NCKAP5: variants seen among roughly 807,000 people sequenced by gnomAD.
NCKAP5 encodes NCK associated protein 5, also known as nck-associated protein 5.
NCKAP5 carries 92 observed loss-of-function variants against 167.0 expected under a neutral mutation model. The observed-to-expected ratio is 0.55, with a 90% CI of 0.47 to 0.66. The LOEUF (loss-of-function observed/expected upper bound fraction) is 0.66. NCKAP5 is among the 30% of genes least tolerant of loss of function. The pLI is 0.00. For synonymous variants in NCKAP5, 891 were observed against 877.4 expected (o/e 1.02, Z -0.27); for missense variants, 2,378 against 2,315.0 (o/e 1.03, Z -0.56).
In NCKAP5 at chr2:133,415,153, T is replaced by C. The variant is rs553676840; in HGVS notation, c.69+102305A>G. On this transcript the variant is annotated intron_variant, in intron 3 of 19. Coordinates refer to ENST00000409261, the MANE Select transcript of NCKAP5 (RefSeq NM_207363.3). ...CCGCTGATGCTGCCTCAGTTCACAC[T>C]GGCCGAAATGGACTTATTCATGTTG... Among the ~76,000 whole-genome samples, 4 of 152,354 alleles carry C rather than the reference T, an allele frequency of 2.6e-5. No individual in the cohort carries two copies. The East Asian group carries it at 7.7e-4, about 29-fold the overall frequency.
intron 3 of NCKAP5, among the ~76,000 whole-genome samples, chr2:133,400,187 T>G (rs543546612): frequency 6.6e-6 from 1 of 152,254 alleles, no homozygotes; most frequent in East Asian, 1.9e-4. Context: ...GATCACAATT[T>G]TTAATCTCCC....
the NCKAP5 span, among the ~76,000 whole-genome samples, chr2:133,608,765 C>T: frequency 6.6e-6 from 1 of 152,166 alleles, no homozygotes; most frequent in Admixed American, 6.6e-5. Context: ...GATTTACTGT[C>T]CTCAAACCCA....
At chr2:133,148,559 A>G (rs1219974373) in intron 5 of NCKAP5, among the ~76,000 whole-genome samples, 3 of 152,136 alleles carry the variant, frequency 2.0e-5, no homozygotes, top group East Asian at 1.9e-4. Flanking sequence ...ATGGGCTACT[A>G]TAACAAAAAT....
intron 8 of NCKAP5, among the ~76,000 whole-genome samples, chr2:132,904,373 A>T (rs1004509463): frequency 1.3e-5 from 2 of 151,338 alleles, no homozygotes; most frequent in Admixed American, 1.3e-4. Flanking sequence ...ATAAAAATTA[A>T]AAAATATATT....
intron 6 of NCKAP5, among the ~76,000 whole-genome samples, chr2:133,073,931 G>T (rs975141613): frequency 7.9e-5 from 12 of 152,146 alleles, no homozygotes; most frequent in Admixed American, 7.2e-4. Context: ...GAGGCAAATG[G>T]CTGCAACTTA....
chr2:133,627,578 C>T, the NCKAP5 span, among the ~76,000 whole-genome samples: 1 of 152,044 alleles, frequency 6.6e-6, no homozygotes, highest in African/African-American at 2.4e-5. Context: ...AGTTTGAGAC[C>T]AGCTGGACAG....
intron 3 of NCKAP5, among the ~76,000 whole-genome samples, chr2:133,455,023 GTGT>G (rs1229804867): frequency 6.6e-6 from 1 of 151,890 alleles, no homozygotes; most frequent in Non-Finnish European, 1.5e-5. Flanking sequence ...AAAATATTTC[GTGT>G]TGACTTGTAT....
chr2:133,290,728 CTTTTTT>C (rs58758295), intron 4 of NCKAP5, among the ~76,000 whole-genome samples: 75 of 89,372 alleles, frequency 8.4e-4, no homozygotes, highest in East Asian at 3.4e-3. Flanking sequence ...AGAATTTCTC[CTTTTTT>C]TTTTTTTTTT....
intron 19 of NCKAP5, among the ~76,000 whole-genome samples, chr2:132,714,643 C>T (rs925901988): frequency 1.7e-4 from 26 of 151,918 alleles, no homozygotes; most frequent in Non-Finnish European, 3.5e-4. Context: ...CATGGAGAAA[C>T]CCCATCTCTA....
At chr2:132,780,522 C>T (rs947933584) in intron 15 of NCKAP5, among the ~76,000 whole-genome samples, 1 of 152,104 alleles carries the variant, frequency 6.6e-6, no homozygotes, top group Non-Finnish European at 1.5e-5. Context: ...TGATAGGGAG[C>T]CAAGTTCCAA....
At chr2:133,153,415 C>T (rs181817438) in intron 5 of NCKAP5, among the ~76,000 whole-genome samples, 1 of 152,170 alleles carries the variant, frequency 6.6e-6, no homozygotes, top group African/African-American at 2.4e-5. Flanking sequence ...AATATGAGAA[C>T]TCCCTATACT....
chr2:133,142,272 C>A (rs545435885), intron 5 of NCKAP5, among the ~76,000 whole-genome samples: 27 of 152,234 alleles, frequency 1.8e-4, no homozygotes, highest in African/African-American at 6.3e-4. Context: ...CAATGATCGA[C>A]ACAGTCACCA....
intron 8 of NCKAP5, among the ~76,000 whole-genome samples, chr2:132,881,554 CTTTT>C (rs35545031): frequency 1.6e-5 from 2 of 126,374 alleles, no homozygotes; most frequent in Non-Finnish European, 1.6e-5. Flanking sequence ...CCTTACCTTT[CTTTT>C]TTTTTTTTTT....
intron 2 of NCKAP5, among the ~76,000 whole-genome samples, chr2:133,543,608 T>C (rs1046818675): frequency 1.3e-5 from 2 of 152,242 alleles, no homozygotes; most frequent in Non-Finnish European, 2.9e-5. Flanking sequence ...CTCTAGTCTA[T>C]TGACTAGCAT....
chr2:133,660,755 A>G, the NCKAP5 span, among the ~76,000 whole-genome samples: 1 of 152,116 alleles, frequency 6.6e-6, no homozygotes, highest in Admixed American at 6.6e-5. Context: ...AGAAACTAGG[A>G]TGGAATATGC....
chr2:133,240,053 GACCTCA>G (rs2087608860), intron 4 of NCKAP5, among the ~76,000 whole-genome samples: 1 of 151,866 alleles, frequency 6.6e-6, no homozygotes, highest in Non-Finnish European at 1.5e-5. Flanking sequence ...CCAGAAAGGA[GACCTCA>G]CCATCACAAT....
intron 3 of NCKAP5, among the ~76,000 whole-genome samples, chr2:133,470,652 T>C (rs151012776): frequency 0.074 from 11,256 of 152,246 alleles, 444 homozygotes; most frequent in South Asian, 0.13. Flanking sequence ...GCTGTGCTAG[T>C]AATCAGCGAG....
At chr2:132,995,788 A>T (rs2077579373) in intron 6 of NCKAP5, among the ~76,000 whole-genome samples, 1 of 152,072 alleles carries the variant, frequency 6.6e-6, no homozygotes, top group Non-Finnish European at 1.5e-5. Flanking sequence ...CAGCCTGGCC[A>T]ACATAATGAA....
chr2:132,706,027 C>A (rs563329134), intron 19 of NCKAP5, among the ~76,000 whole-genome samples: 2 of 152,090 alleles, frequency 1.3e-5, no homozygotes, highest in South Asian at 4.1e-4. Context: ...CATATGTACA[C>A]AATATATAAA....
Sources: allele counts gnomAD v4.1 joint callset (sites outside exome capture counted in the v4.1 genomes callset), GRCh38; gene constraint gnomAD v4.1.1; transcripts MANE v1.5; gene names NCBI Gene and HGNC (gene_info 2026-07-23, HGNC 2026-07-21).